Variants in PTPRS observed in about 807,000 individuals in gnomAD.
PTPRS encodes protein tyrosine phosphatase receptor type S, also known as receptor-type tyrosine-protein phosphatase S.
Under a neutral mutation model 215.3 loss-of-function variants are expected in PTPRS, and 63 were observed. The observed-to-expected ratio is 0.29, with a 90% CI of 0.24 to 0.36. The LOEUF is 0.36. Ranked by LOEUF, PTPRS falls within the 10% of genes least tolerant of loss-of-function variation. The pLI, the probability that PTPRS is intolerant of heterozygous loss-of-function variation, is 1.00. For missense variants in PTPRS, 2,258 were observed against 2,825.8 expected, an observed-to-expected ratio of 0.80 and a Z score of 4.56; for synonymous variants, 1,404 against 1,191.4, an observed-to-expected ratio of 1.18 and a Z score of -3.68.
intron 9 of PTPRS, among the ~76,000 whole-genome samples, chr19:5,255,021 G>T (rs2045441243): frequency 6.6e-6 from 1 of 152,142 alleles, no homozygotes; most frequent in African/African-American, 2.4e-5. Context: ...AAATGAATAA[G>T]AACTCAAAAT....
At chr19:5,335,750 C>T (rs891782592) in intron 1 of PTPRS, among the ~76,000 whole-genome samples, 2 of 152,038 alleles carry the variant, frequency 1.3e-5, no homozygotes, top group South Asian at 2.1e-4. Flanking sequence ...GGAGGGAGTC[C>T]CCATGATCCA....
rs2043015764 is a variant in PTPRS at position 5,231,572 on chromosome 19, G to C, written c.1893C>G (p.Arg631=). ...GCCAACTTACCAAAATGGCCGTGGAGCGCACGCTGACACATTTAACGTCTT... is the reference window on the plus strand; with the variant it reads ...GCCAACTTACCAAAATGGCCGTGGACCGCACGCTGACACATTTAACGTCTT... ...PPQDVKCVSV[R]STAILVSWRP... is the part of the protein sequence containing the mutation. The change falls in exon 14 of 38, where the codon CGC becomes CGG. Residue 631 remains arginine (R), a synonymous_variant. Coordinates refer to ENST00000262963, the MANE Select transcript of PTPRS (RefSeq NM_002850.4). 6.2e-7 allele frequency: 1 copy of C among 1,601,538 alleles called. No individual in the cohort carries two copies. The highest frequency in any genetic ancestry group is 8.5e-7 in the Non-Finnish European group (1 of 1,177,644).
chr19:5,250,306 T>C (rs1398587119), intron 9 of PTPRS, among the ~76,000 whole-genome samples: 3 of 152,132 alleles, frequency 2.0e-5, no homozygotes, highest in African/African-American at 7.2e-5. Context: ...GGCGGCCTTG[T>C]AAGGCCTCTG....
chr19:5,320,475 G>A (rs1339961315), intron 1 of PTPRS, among the ~76,000 whole-genome samples: 1 of 152,160 alleles, frequency 6.6e-6, no homozygotes, highest in Non-Finnish European at 1.5e-5. Flanking sequence ...TGTCCCCCAG[G>A]CTGGAGTGCA....
chr19:5,293,322 A>C lies in PTPRS; in HGVS notation c.-94-7088T>G, dbSNP rs1337994650. 2.3e-4 allele frequency: 13 copies of C among 57,636 alleles called. No individual in the cohort carries two copies. The East Asian group carries it at 6.0e-3, about 27-fold the overall frequency. 3.6% of individuals were successfully genotyped at this position (57,636 alleles called of 1,614,324 possible). ...GCGGGGCTGTAGGGGGCGGGGTTGCAGTGGGCGGGGCTGCAGGGGACGGGC... is the reference window on the plus strand; with the variant it reads ...GCGGGGCTGTAGGGGGCGGGGTTGCCGTGGGCGGGGCTGCAGGGGACGGGC... On this transcript the variant is annotated intron_variant, in intron 1 of 37. Transcript: ENST00000262963. This position sits in a 1 kb window ranked among gnomAD's most constrained non-coding sequence, Gnocchi z 8.4.
intron 11 of PTPRS, among the ~76,000 whole-genome samples, chr19:5,243,675 T>C (rs1483704174): frequency 6.6e-6 from 1 of 152,122 alleles, no homozygotes; most frequent in Non-Finnish European, 1.5e-5. Context: ...TTTCACCATG[T>C]TGGCCATGCT....
chr19:5,208,569 C>T (rs2040578855), intron 35 of PTPRS, among the ~76,000 whole-genome samples, 178 bp from the exon 36 acceptor site: 1 of 152,070 alleles, frequency 6.6e-6, no homozygotes, highest in African/African-American at 2.4e-5. Context: ...GCAACCTCCA[C>T]CTCCAGTGAT....
At chr19:5,289,069 G>T (rs1293620792) in intron 1 of PTPRS, among the ~76,000 whole-genome samples, 1 of 152,184 alleles carries the variant, frequency 6.6e-6, no homozygotes, top group African/African-American at 2.4e-5. Flanking sequence ...GAGGGGCCCA[G>T]GGAGTGGGGT....
At chr19:5,332,582 C>T (rs140396369) in intron 1 of PTPRS, among the ~76,000 whole-genome samples, 157 of 152,244 alleles carry the variant, frequency 1.0e-3, no homozygotes, top group African/African-American at 3.6e-3. Context: ...CCCTGACAGG[C>T]GTTATGGCTT....
chr19:5,239,179 G>A, intron 12 of PTPRS, 116 bp from the exon 13 acceptor site: 1 of 725,614 alleles, frequency 1.4e-6, no homozygotes, highest in Non-Finnish European at 2.3e-6. Context: ...GAGAGAGAGA[G>A]AGAGAGAGAC....
Position 5,212,010 on chromosome 19 carries a change from C to G in PTPRS, c.5010G>C (p.Gln1670His). 6.2e-7 allele frequency: 1 copy of G among 1,613,346 alleles called. No homozygotes were observed. Among genetic ancestry groups the G allele is most frequent in the Non-Finnish European group, 8.5e-7 (1 of 1,179,874 alleles). The change falls in exon 32 of 38, where the codon CAG (glutamine) becomes CAC (histidine). Residue 1670 changes from glutamine to histidine, a missense_variant. Gln to His is a conservative substitution (Grantham distance 24). Around this residue, in one of 6 missense-constraint regions of PTPRS, gnomAD observed 927 missense variants for 1,125.9 expected, o/e 0.82. Transcript: ENST00000262963. ...SLYAYIQKLA[Q>H]VEPGEHVTGM... Reference sequence around the variant, plus strand: ...CAGTGACGTGTTCGCCAGGCTCCACCTGGGCCAGCTTCTGGATGTAGGCAT... The same window carrying G: ...CAGTGACGTGTTCGCCAGGCTCCACGTGGGCCAGCTTCTGGATGTAGGCAT...
At chr19:5,216,812 G>C (rs748312847) in intron 25 of PTPRS, 45 bp from the exon 26 acceptor site, 4 of 1,235,442 alleles carry the variant, frequency 3.2e-6, no homozygotes, top group South Asian at 2.7e-5. Flanking sequence ...GCAGGGGGTA[G>C]GGGGGGGTCC....
rs139744514 is a variant in PTPRS at position 5,215,353 on chromosome 19, C to T, written c.4254G>A (p.Pro1418=). 628 of 1,614,118 alleles carry T rather than the reference C, an allele frequency of 3.9e-4. 3 individuals carry two copies. Among genetic ancestry groups the T allele is most frequent in the African/African-American group, 1.3e-3 (97 of 75,050 alleles). ...WEHSNLEVNK[P]KNRYANVIAY... ...CGATGACGTTGGCATAGCGGTTCTT[C>T]GGCTTGTTCACTTCCAGGTTGGAAT... The change falls in exon 28 of 38, where the codon CCG becomes CCA. Residue 1418 remains proline, a synonymous_variant. Coordinates refer to ENST00000262963, the MANE Select transcript of PTPRS (RefSeq NM_002850.4).
At chr19:5,311,725 G>A (rs1023922074) in intron 1 of PTPRS, among the ~76,000 whole-genome samples, 4 of 152,174 alleles carry the variant, frequency 2.6e-5, no homozygotes, top group Non-Finnish European at 5.9e-5. Flanking sequence ...GTAACTGGGC[G>A]AGAGGGAGTG....
rs2049835558 is a variant in PTPRS, at chr19:5,315,350, G to GCTTTTTTTTTTTTTTTTTTTT, written c.-95+25313_-95+25314insAAAAAAAAAAAAAAAAAAAAG. ...TCATGGAGAATTTTTATTTGAAAAG[G>GCTTTTTTTTTTTTTTTTTTTT]GTTTTTTTTTTTTTTTTTTTTTTTT... is the stretch of plus-strand genomic sequence containing the variant. On this transcript the variant is annotated intron_variant, in intron 1 of 37. Transcript: ENST00000262963. Among the ~76,000 whole-genome samples the GCTTTTTTTTTTTTTTTTTTTT allele has an allele frequency of 1.8e-4, 18 of 101,296 alleles. 5 individuals carry two copies. The highest frequency in any genetic ancestry group is 1.7e-4 in the Non-Finnish European group (9 of 52,778). 66.5% of individuals were successfully genotyped at this position (101,296 alleles called of 152,430 possible). A position where few individuals can be genotyped will look rare whatever the true frequency, so the allele number is the denominator to read the frequency against.
intron 9 of PTPRS, among the ~76,000 whole-genome samples, chr19:5,250,727 C>CA (rs1369969586): frequency 2.0e-5 from 3 of 150,956 alleles, no homozygotes; most frequent in Admixed American, 1.3e-4. Flanking sequence ...AAAAACAACT[C>CA]AAAAACCGTC....
chr19:5,226,384 A>C (rs943956033), intron 16 of PTPRS, among the ~76,000 whole-genome samples: 1 of 152,216 alleles, frequency 6.6e-6, no homozygotes, highest in Admixed American at 6.5e-5. Context: ...GCCGCTGGTT[A>C]AATTTTCAGG....
At chr19:5,212,559 A>G (rs1355213320) in intron 30 of PTPRS, 68 bp from the exon 31 acceptor site, 4 of 1,516,428 alleles carry the variant, frequency 2.6e-6, no homozygotes, top group East Asian at 4.9e-5. Context: ...AAGATGCCCA[A>G]GTGGCCGGGT....
chr19:5,329,943 G>A (rs1413878885), intron 1 of PTPRS, among the ~76,000 whole-genome samples: 1 of 151,738 alleles, frequency 6.6e-6, no homozygotes, highest in Non-Finnish European at 1.5e-5. Context: ...CGCCGAGCAT[G>A]GTGGCACATG....
Sources: allele counts gnomAD v4.1 joint callset (sites outside exome capture counted in the v4.1 genomes callset), GRCh38; gene constraint gnomAD v4.1.1; regional missense constraint gnomAD v4.1.1; non-coding constraint Gnocchi (gnomAD v3.1); transcripts MANE v1.5; gene names NCBI Gene and HGNC (gene_info 2026-07-23, HGNC 2026-07-21).